Variants in TACC2 observed in about 807,000 individuals in gnomAD.
TACC2 encodes the protein transforming acidic coiled-coil-containing protein 2.
TACC2 carries 137 observed loss-of-function variants against 227.3 expected under a neutral mutation model. The ratio of observed to expected loss-of-function variants is 0.60; its 90% CI spans 0.52 to 0.69. The LOEUF (loss-of-function observed/expected upper bound fraction) is 0.69. TACC2 is among the 30% of genes least tolerant of loss of function. The pLI is 0.00. For missense variants in TACC2, 3,470 were observed against 3,694.4 expected (o/e 0.94, Z 1.57); for synonymous variants, 1,523 against 1,487.5 (o/e 1.02, Z -0.55).
rs779701973 is a variant in TACC2 at position 122,084,741 on chromosome 10, G to A, written c.2241G>A (p.Met747Ile). ...EGESTLEIRKMGSCDGEGLLT... is the reference protein window; with the variant it reads ...EGESTLEIRKIGSCDGEGLLT... ...AGAGCACATTGGAAATAAGGAAGATGGGCAGCTGTGATGGGGAGGGCTTGC... is the reference window on the plus strand; with the variant it reads ...AGAGCACATTGGAAATAAGGAAGATAGGCAGCTGTGATGGGGAGGGCTTGC... The change falls in exon 4 of 23, where the codon ATG (methionine) becomes ATA (isoleucine). Residue 747 changes from methionine to isoleucine, a missense_variant. Transcript: ENST00000369005. 6.2e-7 allele frequency: 1 copy of A among 1,613,658 alleles called. No individual in the cohort carries two copies. Among genetic ancestry groups the A allele is most frequent in the South Asian group, 1.1e-5 (1 of 91,088 alleles).
intron 8 of TACC2, among the ~76,000 whole-genome samples, chr10:122,203,201 G>C (rs1337496086): frequency 6.6e-6 from 1 of 151,902 alleles, no homozygotes; most frequent in Non-Finnish European, 1.5e-5. Flanking sequence ...GGTGGTGGCC[G>C]GGCAGAGGGG....
Position 122,143,677 on chromosome 10 carries a change from C to T in TACC2, c.5805C>T (p.Ser1935=), listed in dbSNP as rs964403375. ...AGDRVEASTP[S]CPDPAKDLSR... ...ACAGAGTAGAAGCTTCCACTCCCTC[C>T]TGCCCAGATCCGGCCAAGGACCTCA... is the stretch of plus-strand genomic sequence containing the variant. Residue 1935 remains serine (S), a synonymous_variant, in exon 7 of 23, where the codon TCC becomes TCT. Transcript: ENST00000369005. The T allele has an allele frequency of 8.1e-6, 13 of 1,614,060 alleles. No individual in the cohort carries two copies. Among genetic ancestry groups the T allele is most frequent in the Non-Finnish European group, 1.0e-5 (12 of 1,180,036 alleles).
chr10:122,248,929 C>A, intron 20 of TACC2, 121 bp from the exon 21 acceptor site: 1 of 1,493,892 alleles, frequency 6.7e-7, no homozygotes, highest in South Asian at 1.2e-5. Flanking sequence ...TCCATGCAGG[C>A]TGGGGAGGCA....
intron 7 of TACC2, chr10:122,163,657 G>T: frequency 1.1e-6 from 1 of 949,008 alleles, no homozygotes; most frequent in Non-Finnish European, 1.3e-6. Flanking sequence ...CACGCCCCGG[G>T]CAGAGCCGCG....
At chr10:122,183,181 G>T (rs1175771323) in intron 7 of TACC2, among the ~76,000 whole-genome samples, 1 of 151,474 alleles carries the variant, frequency 6.6e-6, no homozygotes, top group Non-Finnish European at 1.5e-5. Context: ...CTCCAGCCTG[G>T]GTAACAGAGT....
intron 15 of TACC2, among the ~76,000 whole-genome samples, chr10:122,229,798 T>C (rs181239036): frequency 7.2e-4 from 109 of 152,318 alleles, no homozygotes; most frequent in African/African-American, 2.3e-3. Flanking sequence ...GAACCAAGAA[T>C]ATTAGATCAC....
chr10:122,190,206 A>G (rs1423981943), intron 7 of TACC2, among the ~76,000 whole-genome samples: 2 of 152,234 alleles, frequency 1.3e-5, no homozygotes, highest in African/African-American at 4.8e-5. Context: ...GTCGTAGTTC[A>G]TAGAAGTAAA....
intron 1 of TACC2, among the ~76,000 whole-genome samples, chr10:121,997,740 T>C (rs1314595256): frequency 3.3e-5 from 5 of 152,128 alleles, no homozygotes; most frequent in Non-Finnish European, 5.9e-5. Context: ...GCCAGGGACA[T>C]GCTGGGGTAG....
intron 5 of TACC2, among the ~76,000 whole-genome samples, chr10:122,107,897 T>TC (rs2083057788): frequency 2.4e-5 from 1 of 40,944 alleles, no homozygotes; most frequent in Non-Finnish European, 7.2e-5. Context: ...TTTTCTTTTT[T>TC]CTTTTTTTTT....
At chr10:122,191,703 A>G (rs2094417184) in intron 7 of TACC2, among the ~76,000 whole-genome samples, 1 of 152,248 alleles carries the variant, frequency 6.6e-6, no homozygotes, top group Admixed American at 6.5e-5. Flanking sequence ...TGGACATAGC[A>G]TATGCATAGT....
chr10:122,217,012 A>G (rs2095419789), intron 11 of TACC2, 184 bp downstream of exon 11: 1 of 1,272,158 alleles, frequency 7.9e-7, no homozygotes, highest in Non-Finnish European at 1.1e-6. Context: ...TGAGACTTGA[A>G]AGCAGCTGTC....
chr10:122,116,079 A>G (rs2084653371), intron 5 of TACC2, among the ~76,000 whole-genome samples: 1 of 152,028 alleles, frequency 6.6e-6, no homozygotes, highest in African/African-American at 2.4e-5. Context: ...GTTCACATCA[A>G]CTCCCTGCGA....
rs143587322 is a variant in TACC2 at position 122,062,758 on chromosome 10, T to C, written c.146+12208T>C. ...AACTATGGGGAAGGGTTTAGAAAGA[T>C]GGTTTGAAAAAATGAACTAAATGGG... On this transcript the variant is annotated intron_variant, in intron 3 of 22. Transcript: ENST00000369005. Among the ~76,000 whole-genome samples the C allele has an allele frequency of 1.5e-3, 223 of 152,266 alleles. 4 individuals carry two copies. The East Asian group carries it at 0.037, about 25-fold the overall frequency.
chr10:122,169,038 G>A (rs765699802), intron 7 of TACC2, among the ~76,000 whole-genome samples: 3 of 152,176 alleles, frequency 2.0e-5, no homozygotes, highest in Non-Finnish European at 4.4e-5. Flanking sequence ...GGGGTTTAGG[G>A]GAGACTGGTT....
chr10:122,241,448 C>T (rs992922019), intron 18 of TACC2, among the ~76,000 whole-genome samples: 5 of 152,156 alleles, frequency 3.3e-5, no homozygotes, highest in Non-Finnish European at 4.4e-5. Context: ...CAGACCACCA[C>T]ACCTGGTTAA....
intron 11 of TACC2, among the ~76,000 whole-genome samples, chr10:122,220,621 C>T (rs2095505645): frequency 6.6e-6 from 1 of 152,092 alleles, no homozygotes; most frequent in South Asian, 2.1e-4. Context: ...GGGGCGGGGC[C>T]CCAGCTGTGA....
intron 7 of TACC2, chr10:122,192,595 A>G (rs2094445780): frequency 2.3e-6 from 1 of 425,922 alleles, no homozygotes; most frequent in Non-Finnish European, 4.8e-6. Context: ...TTTTGGTGAC[A>G]TTGAAAGAGA....
chr10:122,060,414 G>A (rs889917858), intron 3 of TACC2, among the ~76,000 whole-genome samples: 6 of 152,222 alleles, frequency 3.9e-5, no homozygotes, highest in Non-Finnish European at 7.3e-5. Flanking sequence ...TGCCTGCAAG[G>A]AAGTTAGAGA....
At chr10:122,156,736 C>A (rs1253069510) in intron 7 of TACC2, among the ~76,000 whole-genome samples, 2 of 152,168 alleles carry the variant, frequency 1.3e-5, no homozygotes, top group East Asian at 3.8e-4. Context: ...TCCATGACAT[C>A]CTCCTCCTTC....
Sources: gnomAD v4.1 joint callset for allele counts (sites outside exome capture counted in the v4.1 genomes callset) on GRCh38, gnomAD v4.1.1 for gene constraint, MANE v1.5 for transcripts, NCBI Gene and HGNC (gene_info 2026-07-23, HGNC 2026-07-21) for gene names.